KCNMA1: variants seen among roughly 807,000 people sequenced by gnomAD.
KCNMA1 encodes Calcium-activated potassium channel subunit alpha-1.
A neutral mutation model predicts 140.0 loss-of-function variants in KCNMA1; 29 were observed. That is an observed-to-expected ratio of 0.21 (90% CI 0.15 to 0.28). The LOEUF (loss-of-function observed/expected upper bound fraction) is 0.28, where lower values mean the gene tolerates loss of function less well. KCNMA1 is among the 10% of genes least tolerant of loss of function. The pLI is 1.00. For synonymous variants in KCNMA1, 612 were observed against 611.9 expected (o/e 1.00, Z 0.00); for missense variants, 880 against 1,602.2 (o/e 0.55, Z 7.70).
chr10:77,550,242 C>T (rs1287857613), intron 1 of KCNMA1, among the ~76,000 whole-genome samples: 2 of 152,158 alleles, frequency 1.3e-5, no homozygotes, highest in African/African-American at 4.8e-5. Context: ...AGCCTACTCC[C>T]AAGCCCAGTG....
intron 2 of KCNMA1, among the ~76,000 whole-genome samples, chr10:77,373,266 C>G (rs1326645721): frequency 6.6e-6 from 1 of 152,124 alleles, no homozygotes. Context: ...ACAATTTTAA[C>G]TTTTTGAAAA....
At chr10:77,428,735 T>A (rs929993208) in intron 1 of KCNMA1, among the ~76,000 whole-genome samples, 14 of 151,888 alleles carry the variant, frequency 9.2e-5, no homozygotes, top group Non-Finnish European at 1.3e-4. Flanking sequence ...GAAAGAGGGA[T>A]GAAGAGAAAA....
chr10:77,364,233 C>T (rs974790269), intron 2 of KCNMA1, among the ~76,000 whole-genome samples: 1 of 152,042 alleles, frequency 6.6e-6, no homozygotes, highest in African/African-American at 2.4e-5. Context: ...GGCGGACTAC[C>T]TGAGATCAGG....
chr10:77,290,025 G>T (rs1343663514), intron 2 of KCNMA1, among the ~76,000 whole-genome samples: 1 of 152,196 alleles, frequency 6.6e-6, no homozygotes, highest in Non-Finnish European at 1.5e-5. Context: ...GCTGCCAGGG[G>T]TTAGAGATGG....
At chr10:77,041,967 C>T (rs916725673) in intron 14 of KCNMA1, among the ~76,000 whole-genome samples, 3 of 152,132 alleles carry the variant, frequency 2.0e-5, no homozygotes, top group South Asian at 4.1e-4. Context: ...CATACAAAAG[C>T]CAGAAAAAAT....
chr10:77,466,905 C>T (rs1440411120), intron 1 of KCNMA1, among the ~76,000 whole-genome samples: 1 of 122,758 alleles, frequency 8.1e-6, no homozygotes, highest in Non-Finnish European at 1.6e-5. Flanking sequence ...TAGACAGGAC[C>T]TGAAAGAAAG....
intron 3 of KCNMA1, among the ~76,000 whole-genome samples, chr10:77,198,935 G>A (rs10509383): frequency 0.32 from 47,914 of 151,918 alleles, 8,002 homozygotes; most frequent in Non-Finnish European, 0.34. Context: ...GTATGATGGA[G>A]GCCTTGATAG....
intron 3 of KCNMA1, among the ~76,000 whole-genome samples, chr10:77,196,024 A>T (rs2040351324): frequency 6.6e-6 from 1 of 152,152 alleles, no homozygotes; most frequent in Admixed American, 6.5e-5. Flanking sequence ...ATAAATTTGG[A>T]AAGAAATATG....
chr10:77,456,482 TTC>T (rs1262663865), intron 1 of KCNMA1, among the ~76,000 whole-genome samples: 1 of 152,224 alleles, frequency 6.6e-6, no homozygotes, highest in Non-Finnish European at 1.5e-5. Flanking sequence ...CTTGTTTGTT[TTC>T]TGTTTCCACT....
At chr10:77,474,975 G>C (rs2154529697) in intron 1 of KCNMA1, among the ~76,000 whole-genome samples, 1 of 152,274 alleles carries the variant, frequency 6.6e-6, no homozygotes, top group South Asian at 2.1e-4. Context: ...GCCTAGAAGG[G>C]AGAAGCCCTG....
At chr10:77,434,535 T>C (rs192051914) in intron 1 of KCNMA1, among the ~76,000 whole-genome samples, 7 of 152,276 alleles carry the variant, frequency 4.6e-5, no homozygotes, top group Admixed American at 3.9e-4. Context: ...CCATTATGGA[T>C]TGACATACAT....
rs764468883 is a variant in KCNMA1, at chr10:76,891,685, C to T, written c.3182G>A (p.Arg1061Gln). 5.6e-6 allele frequency: 9 copies of T among 1,613,870 alleles called. No individual in the cohort carries two copies. The highest frequency in any genetic ancestry group is 7.6e-6 in the Non-Finnish European group (9 of 1,180,014). Reference sequence around the variant, plus strand: ...CGTGGCTCCTCCGGTCACCAGGGTCCGTATCAGGGTGAGGATATTGTCATT... The same window carrying T: ...CGTGGCTCCTCCGGTCACCAGGGTCTGTATCAGGGTGAGGATATTGTCATT... ...YFNDNILTLI[R>Q]TLVTGGATPE... is the part of the protein sequence containing the mutation. The change falls in exon 26 of 28, where the codon CGG becomes CAG. Residue 1061 changes from arginine (R) to glutamine (Q), a missense_variant. This residue lies in a region of KCNMA1 where 18 missense variants were observed against 51.3 expected (regional missense o/e 0.35). Coordinates refer to ENST00000286628, the MANE Select transcript of KCNMA1 (RefSeq NM_001161352.2).
At chr10:77,016,750 T>A (rs2092116068) in intron 17 of KCNMA1, among the ~76,000 whole-genome samples, 1 of 152,116 alleles carries the variant, frequency 6.6e-6, no homozygotes, top group Non-Finnish European at 1.5e-5. Context: ...CAAATGCCCA[T>A]CCTCAAGTGA....
At chr10:76,910,976 T>C (rs2049939579) in intron 24 of KCNMA1, 2 of 152,134 alleles carry the variant, frequency 1.3e-5, no homozygotes, top group Admixed American at 6.6e-5. Context: ...CATTCCCATC[T>C]TGGCTTTGGA....
chr10:77,369,691 G>T (rs532191820), intron 2 of KCNMA1, among the ~76,000 whole-genome samples: 26 of 152,294 alleles, frequency 1.7e-4, no homozygotes, highest in African/African-American at 6.3e-4. Flanking sequence ...CATTCCAGAA[G>T]TTTTAACTCT....
chr10:77,235,817 C>T (rs1392663282), intron 3 of KCNMA1, among the ~76,000 whole-genome samples: 1 of 152,196 alleles, frequency 6.6e-6, no homozygotes, highest in East Asian at 1.9e-4. Flanking sequence ...AAAGTCCCTT[C>T]ACTGACTATT....
chr10:77,415,774 C>T (rs1190724470), intron 1 of KCNMA1, among the ~76,000 whole-genome samples: 2 of 152,234 alleles, frequency 1.3e-5, no homozygotes, highest in Non-Finnish European at 2.9e-5. Flanking sequence ...TCCTGCATGG[C>T]CACAGGGCAG....
At chr10:77,319,528 C>G (rs185457549) in intron 2 of KCNMA1, among the ~76,000 whole-genome samples, 1 of 152,306 alleles carries the variant, frequency 6.6e-6, no homozygotes, top group African/African-American at 2.4e-5. Context: ...AAAAGCCTCA[C>G]CTTTTCACTA....
chr10:77,522,526 T>C lies in KCNMA1; in HGVS notation c.378+114739A>G, dbSNP rs569381015. On this transcript the variant is annotated intron_variant, in intron 1 of 27. Transcript: ENST00000286628. Reference sequence around the variant, plus strand: ...AACACACGTGTCAGAAAAGGCAAGCTGGATCCCTGCTCCTAGCAACAGCCC... The same window carrying C: ...AACACACGTGTCAGAAAAGGCAAGCCGGATCCCTGCTCCTAGCAACAGCCC... Among the ~76,000 whole-genome samples, 4 of 152,322 alleles carry C rather than the reference T, an allele frequency of 2.6e-5. No homozygotes were observed. In the South Asian group the frequency reaches 8.3e-4, roughly 32 times the overall value.
Sources: gnomAD v4.1 joint callset for allele counts (sites outside exome capture counted in the v4.1 genomes callset) on GRCh38, gnomAD v4.1.1 for gene constraint, gnomAD v4.1.1 regional missense constraint, MANE v1.5 for transcripts, NCBI Gene and HGNC (gene_info 2026-07-23, HGNC 2026-07-21) for gene names.